Variants in TSC22D1 observed in about 807,000 individuals in gnomAD.
TSC22D1 encodes the protein TSC22 domain family protein 1.
In TSC22D1, 9 loss-of-function variants were observed where a neutral mutation model predicts 74.2. The ratio of observed to expected loss-of-function variants is 0.12; its 90% CI spans 0.07 to 0.21. TSC22D1 has a LOEUF of 0.21. Ranked by LOEUF, TSC22D1 falls within the 10% of genes least tolerant of loss-of-function variation. The pLI is 1.00. For synonymous variants in TSC22D1, 586 were observed against 492.5 expected (o/e 1.19, Z -2.51); for missense variants, 1,427 against 1,304.7 (o/e 1.09, Z -1.44).
chr13:44,550,939 CAA>C (rs59235877), intron 1 of TSC22D1, among the ~76,000 whole-genome samples: 1 of 140,742 alleles, frequency 7.1e-6, no homozygotes, highest in Non-Finnish European at 1.6e-5. Context: ...GATCCAGTCT[CAA>C]AAAAAAAAAA....
chr13:44,434,152 T>C lies in TSC22D1; in HGVS notation c.*474A>G. The C allele has an allele frequency of 6.7e-7, 1 of 1,485,396 alleles. No homozygotes were observed. Among genetic ancestry groups the C allele is most frequent in the Non-Finnish European group, 8.8e-7 (1 of 1,132,252 alleles). 92.0% of individuals were successfully genotyped at this position (1,485,396 alleles called of 1,614,324 possible). On this transcript the variant is annotated 3_prime_UTR_variant, in exon 3 of 3. Coordinates refer to ENST00000458659, the MANE Select transcript of TSC22D1 (RefSeq NM_183422.4). Reference sequence around the variant, plus strand: ...GTCAAATTTGTACAGTGAACTCTGTTCCCCCTCATTTTAGTCTTTTTACCC... The same window carrying C: ...GTCAAATTTGTACAGTGAACTCTGTCCCCCCTCATTTTAGTCTTTTTACCC...
intron 1 of TSC22D1, among the ~76,000 whole-genome samples, chr13:44,481,564 C>G (rs948907783): frequency 3.9e-5 from 6 of 152,210 alleles, no homozygotes; most frequent in African/African-American, 1.4e-4. Flanking sequence ...CAGACACTTT[C>G]ATTTGTTCAT....
intron 1 of TSC22D1, among the ~76,000 whole-genome samples, chr13:44,509,950 C>CAAAAAAAAAAAAAAAAAAAAAGAAAAA (rs1879625178): frequency 1.9e-5 from 1 of 51,426 alleles, no homozygotes; most frequent in Non-Finnish European, 3.6e-5. Flanking sequence ...AGAAAATAAG[C>CAAAAAAAAAAAAAAAAAAAAAGAAAAA]AAAAAAAAAA....
intron 1 of TSC22D1, among the ~76,000 whole-genome samples, chr13:44,567,651 A>C (rs1883469243): frequency 6.6e-6 from 1 of 152,042 alleles, no homozygotes; most frequent in Non-Finnish European, 1.5e-5. Flanking sequence ...GGGAAATGGA[A>C]ACTCAATAGA....
Position 44,576,299 on chromosome 13 carries a change from G to C in TSC22D1, c.-225C>G. 1 of 591,542 alleles carries C rather than the reference G, an allele frequency of 1.7e-6. No homozygotes were observed. The highest frequency in any genetic ancestry group is 2.3e-5 in the South Asian group (1 of 43,130). 36.6% of individuals were successfully genotyped at this position (591,542 alleles called of 1,614,324 possible). On this transcript the variant is annotated 5_prime_UTR_variant, in exon 1 of 3. Transcript: ENST00000458659. ...AACAGGGCGGCCGGGGACCCGAAGG[G>C]GGGATCCCTTCAGTCCTTCGCCATT...
At chr13:44,451,164 C>T (rs1876098640) in intron 1 of TSC22D1, among the ~76,000 whole-genome samples, 1 of 152,226 alleles carries the variant, frequency 6.6e-6, no homozygotes, top group African/African-American at 2.4e-5. Context: ...TTTGAGAAAG[C>T]TCATGTGGAT....
intron 1 of TSC22D1, among the ~76,000 whole-genome samples, chr13:44,510,771 T>C (rs964144198): frequency 2.0e-5 from 3 of 152,082 alleles, no homozygotes; most frequent in African/African-American, 7.2e-5. Context: ...TTTTGTATAT[T>C]TTTTGGTACA....
intron 1 of TSC22D1, among the ~76,000 whole-genome samples, chr13:44,517,725 CTATATA>C (rs1374306126): frequency 8.0e-6 from 1 of 124,648 alleles, no homozygotes; most frequent in Admixed American, 8.4e-5. Context: ...CAGCTTAATA[CTATATA>C]TATATACATA....
chr13:44,573,733 G>A lies in TSC22D1; in HGVS notation c.2342C>T (p.Ala781Val), dbSNP rs752324593. 2 of 1,614,252 alleles carry A rather than the reference G, an allele frequency of 1.2e-6. No individual in the cohort carries two copies. The highest frequency in any genetic ancestry group is 8.5e-7 in the Non-Finnish European group (1 of 1,180,046). ...GIIHQGVQTS[A>V]PSLPQQLVIA... ...AACCAATTGTTGAGGAAGGCTTGGA[G>A]CACTAGTTTGAACTCCCTGATGAAT... The change falls in exon 1 of 3, where the codon GCT (alanine) becomes GTT (valine). Residue 781 changes from alanine to valine, a missense_variant. Ala to Val is a moderately conservative substitution (Grantham distance 64, BLOSUM62 0). This residue lies in a region of TSC22D1 where 1,343 missense variants were observed against 1,191.5 expected (regional missense o/e 1.13). Coordinates refer to ENST00000458659, the MANE Select transcript of TSC22D1 (RefSeq NM_183422.4).
chr13:44,553,897 T>C (rs1186313453), intron 1 of TSC22D1, among the ~76,000 whole-genome samples: 2 of 152,210 alleles, frequency 1.3e-5, no homozygotes, highest in African/African-American at 4.8e-5. Flanking sequence ...TATGCCATTC[T>C]TAGAACTAAG....
chr13:44,446,205 A>AT (rs1488047877), intron 1 of TSC22D1, among the ~76,000 whole-genome samples: 1 of 152,234 alleles, frequency 6.6e-6, no homozygotes, highest in East Asian at 1.9e-4. Context: ...ACTGATACAC[A>AT]TAACAACCTG....
intron 1 of TSC22D1, among the ~76,000 whole-genome samples, chr13:44,495,943 GATATAATACCAAAC>G (rs1878953440): frequency 6.6e-6 from 1 of 152,144 alleles, no homozygotes; most frequent in Non-Finnish European, 1.5e-5. Flanking sequence ...ACAATAGACA[GATATAATACCAAAC>G]ATATAAGCAA....
intron 1 of TSC22D1, among the ~76,000 whole-genome samples, chr13:44,501,372 T>C (rs1290516216): frequency 6.6e-6 from 1 of 152,048 alleles, no homozygotes; most frequent in African/African-American, 2.4e-5. Context: ...CAAAGAGAAA[T>C]GTAAGTAGCC....
At chr13:44,552,910 C>T (rs1434587906) in intron 1 of TSC22D1, among the ~76,000 whole-genome samples, 2 of 152,138 alleles carry the variant, frequency 1.3e-5, no homozygotes, top group African/African-American at 4.8e-5. Context: ...ATGGCGTGAA[C>T]CCGGAAGGCG....
intron 1 of TSC22D1, among the ~76,000 whole-genome samples, chr13:44,553,520 C>T (rs1333555162): frequency 6.6e-6 from 1 of 152,074 alleles, no homozygotes; most frequent in Non-Finnish European, 1.5e-5. Flanking sequence ...GTTTTCGGGC[C>T]CATATGGGAC....
At chr13:44,474,982 AG>A (rs1282140924) in intron 1 of TSC22D1, among the ~76,000 whole-genome samples, 1 of 152,118 alleles carries the variant, frequency 6.6e-6, no homozygotes, top group Non-Finnish European at 1.5e-5. Flanking sequence ...ATTGGAGCAG[AG>A]GTGGGGAAGG....
intron 1 of TSC22D1, among the ~76,000 whole-genome samples, chr13:44,509,094 A>G (rs964474881): frequency 2.0e-5 from 3 of 152,154 alleles, no homozygotes; most frequent in Non-Finnish European, 4.4e-5. Context: ...CCAAGACCCA[A>G]TATAAAGTGA....
Position 44,576,059 on chromosome 13 carries a change from C to T in TSC22D1, c.16G>A (p.Glu6Lys). MHQPP[E>K]STAAAAAAAD... ...GCGGCGGCGGCCGCGGCGGTGGACTCAGGCGGCTGGTGCATTGTGTTGGGT... is the reference window on the plus strand; with the variant it reads ...GCGGCGGCGGCCGCGGCGGTGGACTTAGGCGGCTGGTGCATTGTGTTGGGT... The change falls in exon 1 of 3, where the codon GAG becomes AAG. Residue 6 changes from glutamate (E) to lysine (K), a missense_variant. Glu to Lys is a moderately conservative substitution (Grantham distance 56). Transcript: ENST00000458659. The T allele has an allele frequency of 6.4e-7, 1 of 1,563,012 alleles. No homozygotes were observed.
chr13:44,526,377 A>AT (rs1422015061), intron 1 of TSC22D1, among the ~76,000 whole-genome samples: 2 of 152,104 alleles, frequency 1.3e-5, no homozygotes, highest in African/African-American at 4.8e-5. Flanking sequence ...AAAAAACAGC[A>AT]ACAGAAAAAA....
Sources: allele counts gnomAD v4.1 joint callset (sites outside exome capture counted in the v4.1 genomes callset), GRCh38; gene constraint gnomAD v4.1.1; regional missense constraint gnomAD v4.1.1; transcripts MANE v1.5; gene names NCBI Gene and HGNC (gene_info 2026-07-23, HGNC 2026-07-21).